Variants in EMC8 observed in about 807,000 individuals in gnomAD.
EMC8 encodes ER membrane protein complex subunit 8.
EMC8 carries 11 observed loss-of-function variants against 24.3 expected under a neutral mutation model. That is an observed-to-expected ratio of 0.45 (90% CI 0.28 to 0.75). The LOEUF (loss-of-function observed/expected upper bound fraction) is 0.75. Ranked by LOEUF, EMC8 falls within the 30% of genes least tolerant of loss-of-function variation. The pLI is 0.12. For synonymous variants in EMC8, 145 were observed against 117.7 expected (o/e 1.23, Z -1.50); for missense variants, 277 against 282.7 (o/e 0.98, Z 0.14).
intron 1 of EMC8, among the ~76,000 whole-genome samples, chr16:85,789,313 G>C (rs765440868): frequency 6.6e-6 from 1 of 152,206 alleles, no homozygotes; most frequent in Non-Finnish European, 1.5e-5. Flanking sequence ...CAGTGCTGCA[G>C]AGAGTCAGAG....
rs544864303 is a variant in EMC8 at position 85,787,883 on chromosome 16, A to G, written c.308+1091T>C. Among the ~76,000 whole-genome samples the G allele has an allele frequency of 5.3e-5, 8 of 152,302 alleles. No homozygotes were observed. The East Asian group carries it at 1.5e-3, about 29-fold the overall frequency. On this transcript the variant is annotated intron_variant, in intron 2 of 4. Coordinates refer to ENST00000253457, the MANE Select transcript of EMC8 (RefSeq NM_006067.5). ...CTTTTAGGATACCATGTTTCTCATC[A>G]GAAACACTGGTGCCTCATCAGTGAT...
chr16:85,781,353 C>G, intron 2 of EMC8, 73 bp from the exon 3 acceptor site: 1 of 945,516 alleles, frequency 1.1e-6, no homozygotes, highest in East Asian at 2.4e-5. Context: ...CAGTCAACAC[C>G]ACTGAGACTT....
chr16:85,797,773 A>G (rs1905300984), intron 1 of EMC8, among the ~76,000 whole-genome samples: 2 of 152,230 alleles, frequency 1.3e-5, no homozygotes, highest in Non-Finnish European at 2.9e-5. Context: ...CACCTTCTCA[A>G]GCTTAGCTAC....
intron 3 of EMC8, chr16:85,780,824 C>G (rs914609831): frequency 8.3e-5 from 37 of 445,140 alleles, no homozygotes; most frequent in Non-Finnish European, 1.4e-4. Context: ...GCTGTGCTGG[C>G]TGTTCTAATT....
chr16:85,791,125 AT>A (rs35671062), intron 1 of EMC8, among the ~76,000 whole-genome samples: 96,612 of 149,806 alleles, frequency 0.64, 32,382 homozygotes, highest in Non-Finnish European at 0.75. Context: ...ACCATGCCCA[AT>A]TTTTTTTTTT....
intron 3 of EMC8, 200 bp downstream of exon 3, chr16:85,781,011 G>C (rs16939697): frequency 0.011 from 6,166 of 582,896 alleles, 300 homozygotes; most frequent in African/African-American, 0.1. Context: ...ACTCCCACTT[G>C]TGTAGTGATG....
At position 85,781,097 on chromosome 16, in the gene EMC8, T is replaced by C. The variant is rs574375873; in HGVS notation, c.378+114A>G. 2.9e-5 allele frequency: 21 copies of C among 733,134 alleles called. No homozygotes were observed. In the African/African-American group the frequency reaches 3.7e-4, roughly 13 times the overall value. 45.4% of individuals were successfully genotyped at this position (733,134 alleles called of 1,614,324 possible). A position where few individuals can be genotyped will look rare whatever the true frequency, so the allele number is the denominator to read the frequency against. On this transcript the variant is annotated intron_variant, in intron 3 of 4. Coordinates refer to ENST00000253457, the MANE Select transcript of EMC8 (RefSeq NM_006067.5). ...AAAACTGCAAGAGGCGGCAATGGTC[T>C]CAAGCAGATAAATGAGTGAAGGGGT...
At chr16:85,785,665 C>G (rs1212491506) in intron 2 of EMC8, among the ~76,000 whole-genome samples, 1 of 152,224 alleles carries the variant, frequency 6.6e-6, no homozygotes, top group Non-Finnish European at 1.5e-5. Context: ...GTCTTAGGCA[C>G]TGAATCTCCA....
chr16:85,781,195 C>T lies in EMC8; in HGVS notation c.378+16G>A. On this transcript the variant is annotated intron_variant, in intron 3 of 4. Coordinates refer to ENST00000253457, the MANE Select transcript of EMC8 (RefSeq NM_006067.5). ...AGGCGCAAGGGCCTCCCACATGCTG[C>T]ACAGAAGCGACTTACCATGATGAGC... The T allele has an allele frequency of 6.2e-7, 1 of 1,609,154 alleles. No individual in the cohort carries two copies. Among genetic ancestry groups the T allele is most frequent in the Non-Finnish European group, 8.5e-7 (1 of 1,175,668 alleles).
intron 2 of EMC8, among the ~76,000 whole-genome samples, chr16:85,787,439 G>A (rs926306379): frequency 6.6e-6 from 1 of 152,234 alleles, no homozygotes; most frequent in Non-Finnish European, 1.5e-5. Context: ...GTTCAACTCA[G>A]CCACGTGAGG....
At chr16:85,785,282 G>C (rs977635544) in intron 2 of EMC8, among the ~76,000 whole-genome samples, 4 of 152,152 alleles carry the variant, frequency 2.6e-5, no homozygotes, top group Admixed American at 2.6e-4. Context: ...CTAAAAATTT[G>C]TAGTTGGCCG....
intron 2 of EMC8, among the ~76,000 whole-genome samples, chr16:85,785,625 T>C (rs1285725202): frequency 6.6e-6 from 1 of 152,192 alleles, no homozygotes; most frequent in Non-Finnish European, 1.5e-5. Flanking sequence ...GTCAAAGTAT[T>C]TGAAACAGCT....
chr16:85,797,631 T>C (rs1567835885), intron 1 of EMC8, among the ~76,000 whole-genome samples: 1 of 152,202 alleles, frequency 6.6e-6, no homozygotes, highest in African/African-American at 2.4e-5. Context: ...CCAGGACTCT[T>C]TGCCCAGAGA....
chr16:85,795,954 C>T (rs7206847), intron 1 of EMC8, among the ~76,000 whole-genome samples: 123,908 of 151,974 alleles, frequency 0.82, 51,063 homozygotes, highest in African/African-American at 0.87. Flanking sequence ...CCTATACATC[C>T]GGTCACACAA....
intron 2 of EMC8, among the ~76,000 whole-genome samples, chr16:85,785,663 C>A (rs1348170942): frequency 1.3e-5 from 2 of 152,208 alleles, no homozygotes; most frequent in Non-Finnish European, 2.9e-5. Context: ...CTGTCTTAGG[C>A]ACTGAATCTC....
At chr16:85,793,306 G>A (rs1217085345) in intron 1 of EMC8, among the ~76,000 whole-genome samples, 1 of 152,218 alleles carries the variant, frequency 6.6e-6, no homozygotes, top group East Asian at 1.9e-4. Flanking sequence ...GTAACCTGCT[G>A]AGCCTTCCTA....
At chr16:85,784,219 C>T (rs1479346894) in intron 2 of EMC8, among the ~76,000 whole-genome samples, 1 of 152,132 alleles carries the variant, frequency 6.6e-6, no homozygotes, top group Non-Finnish European at 1.5e-5. Context: ...AGGATGGTCT[C>T]GATCTCCTGA....
chr16:85,782,289 C>T (rs559441946), intron 2 of EMC8, among the ~76,000 whole-genome samples: 82 of 152,350 alleles, frequency 5.4e-4, no homozygotes, highest in African/African-American at 1.8e-3. Flanking sequence ...ATCTTCTCCA[C>T]GCTCATGAGC....
At chr16:85,796,553 C>G (rs1341542325) in intron 1 of EMC8, among the ~76,000 whole-genome samples, 1 of 152,160 alleles carries the variant, frequency 6.6e-6, no homozygotes, top group African/African-American at 2.4e-5. Context: ...AGGATGGTGC[C>G]CAAATGCCTC....
Sources: allele counts gnomAD v4.1 joint callset (sites outside exome capture counted in the v4.1 genomes callset), GRCh38; gene constraint gnomAD v4.1.1; transcripts MANE v1.5; gene names NCBI Gene and HGNC (gene_info 2026-07-23, HGNC 2026-07-21).